The following DHX29 variants were observed in gnomAD, a reference collection of about 807,000 sequenced individuals.
The protein encoded by DHX29 is DExH-box helicase 29, also known as ATP-dependent RNA helicase DHX29.
DHX29 carries 79 observed loss-of-function variants against 167.9 expected under a neutral mutation model. That is an observed-to-expected ratio of 0.47 (90% CI 0.39 to 0.57). The LOEUF is 0.57. DHX29 is among the 20% of genes least tolerant of loss of function. The pLI, the probability that DHX29 is intolerant of heterozygous loss-of-function variation, is 0.00. For synonymous variants in DHX29, 530 were observed against 546.0 expected (o/e 0.97, Z 0.41); for missense variants, 1,347 against 1,593.4 (o/e 0.85, Z 2.63).
intron 16 of DHX29, among the ~76,000 whole-genome samples, chr5:55,273,994 A>G (rs1746976029): frequency 6.6e-6 from 1 of 151,662 alleles, no homozygotes; most frequent in Non-Finnish European, 1.5e-5. Flanking sequence ...AGGTTGAGGC[A>G]GGAGAATCAC....
chr5:55,273,503 C>A (rs1384810546), intron 16 of DHX29, 126 bp from the exon 17 acceptor site: 11 of 1,197,344 alleles, frequency 9.2e-6, no homozygotes, highest in Non-Finnish European at 1.2e-5. Flanking sequence ...TTTAAACATA[C>A]ACAAGTGTTT....
chr5:55,275,976 G>A (rs1003862274), intron 14 of DHX29, among the ~76,000 whole-genome samples: 1 of 152,108 alleles, frequency 6.6e-6, no homozygotes, highest in Non-Finnish European at 1.5e-5. Context: ...ACTGATCACT[G>A]TTATAAAAAG....
Position 55,274,597 on chromosome 5 carries a change from T to G in DHX29, c.2690+17A>C. The G allele has an allele frequency of 2.0e-6, 3 of 1,508,656 alleles. No homozygotes were observed. Among genetic ancestry groups the G allele is most frequent in the Non-Finnish European group, 2.7e-6 (3 of 1,106,316 alleles). The allele number at this position is 1,508,656 out of a possible 1,614,324, so 93.5% of individuals were successfully genotyped here. ...TATTTTAAAACTACCAGGAATATAA[T>G]GAAGATGAGTAGTTACCGTTCAGAA... On this transcript the variant is annotated intron_variant, in intron 16 of 26. Transcript: ENST00000251636.
chr5:55,270,334 G>GT, intron 20 of DHX29, 78 bp downstream of exon 20: 1 of 1,432,934 alleles, frequency 7.0e-7, no homozygotes, highest in Admixed American at 2.7e-5. Flanking sequence ...GCAATATAAG[G>GT]TAAGTTTAGG....
At chr5:55,281,782 A>G (rs1377384954) in intron 11 of DHX29, among the ~76,000 whole-genome samples, 2 of 151,904 alleles carry the variant, frequency 1.3e-5, no homozygotes, top group Non-Finnish European at 2.9e-5. Context: ...TTGAACAGAA[A>G]AACTTTTTTT....
intron 26 of DHX29, among the ~76,000 whole-genome samples, chr5:55,257,838 TA>T (rs1367014089): frequency 6.6e-6 from 1 of 152,214 alleles, no homozygotes; most frequent in Admixed American, 6.5e-5. Flanking sequence ...TTTGCTTAAT[TA>T]AAAGCTGAGG....
chr5:55,262,739 G>A lies in DHX29; in HGVS notation c.3719C>T (p.Thr1240Ile). The A allele has an allele frequency of 6.2e-7, 1 of 1,614,016 alleles. No homozygotes were observed. Among genetic ancestry groups the A allele is most frequent in the Non-Finnish European group, 8.5e-7 (1 of 1,179,978 alleles). The change falls in exon 24 of 27, where the codon ACA (threonine) becomes ATA (isoleucine). Residue 1240 changes from threonine to isoleucine, a missense_variant. By Grantham distance (89) the Thr-to-Ile change is moderately conservative (BLOSUM62 -1). Coordinates refer to ENST00000251636, the MANE Select transcript of DHX29 (RefSeq NM_019030.4). ...CTCCACAATGCAAGCCAATTTTTCT[G>A]TAACATCCACTGACTTTGTATAGAT... Reference protein sequence around the residue: ...KIIYTKSVDVTEKLACIVETA... With the variant: ...KIIYTKSVDVIEKLACIVETA...
chr5:55,275,917 T>C (rs1747088706), intron 14 of DHX29, among the ~76,000 whole-genome samples: 1 of 123,154 alleles, frequency 8.1e-6, no homozygotes, highest in African/African-American at 3.7e-5. Flanking sequence ...TGAGCACCTA[T>C]GGTGTTGAGA....
chr5:55,278,736 C>T (rs571018562), intron 12 of DHX29, among the ~76,000 whole-genome samples: 4 of 151,968 alleles, frequency 2.6e-5, no homozygotes, highest in East Asian at 1.9e-4. Flanking sequence ...AAGGAAGAAA[C>T]GGGATGAAAA....
chr5:55,261,636 C>G, intron 24 of DHX29, 137 bp from the exon 25 acceptor site: 1 of 640,746 alleles, frequency 1.6e-6, no homozygotes, highest in Non-Finnish European at 2.7e-6. Context: ...GCTACATTTT[C>G]ATTTTCTTAT....
At position 55,281,484 on chromosome 5, in the gene DHX29, T is replaced by C. The variant is rs757225575; in HGVS notation, c.1997A>G (p.Glu666Gly). ...CCTGGTAGATTCACAAGCTCGAGATTCCATCCGGATCTGATATCCACACAA... is the reference window on the plus strand; with the variant it reads ...CCTGGTAGATTCACAAGCTCGAGATCCCATCCGGATCTGATATCCACACAA... ...NSLCGYQIRM[E>G]SRACESTRLL... The change falls in exon 12 of 27, where the codon GAA becomes GGA. Residue 666 changes from glutamate to glycine, a missense_variant. Transcript: ENST00000251636. 6.3e-7 allele frequency: 1 copy of C among 1,596,972 alleles called. No homozygotes were observed. The highest frequency in any genetic ancestry group is 2.3e-5 in the East Asian group (1 of 43,738).
At chr5:55,289,218 T>C in intron 8 of DHX29, 52 bp downstream of exon 8, 1 of 1,470,760 alleles carries the variant, frequency 6.8e-7, no homozygotes, top group Non-Finnish European at 9.0e-7. Flanking sequence ...ATATATTTCT[T>C]GACATTTTAT....
intron 9 of DHX29, 89 bp from the exon 10 acceptor site, chr5:55,285,505 T>G: frequency 7.5e-7 from 1 of 1,336,532 alleles, no homozygotes; most frequent in South Asian, 1.5e-5. Flanking sequence ...AAACTCAAGT[T>G]TGTTAATTAT....
chr5:55,285,469 A>T, intron 9 of DHX29, 53 bp from the exon 10 acceptor site: 1 of 1,521,316 alleles, frequency 6.6e-7, no homozygotes, highest in Non-Finnish European at 8.9e-7. Flanking sequence ...AGTCAGATAA[A>T]AAAAACTCAG....
At chr5:55,277,314 C>T (rs777607624) in intron 12 of DHX29, 32 bp from the exon 13 acceptor site, 1 of 1,457,294 alleles carries the variant, frequency 6.9e-7, no homozygotes, top group East Asian at 2.3e-5. Context: ...AAAAGTTCAT[C>T]ATATATTGTA....
intron 1 of DHX29, among the ~76,000 whole-genome samples, chr5:55,306,322 T>C (rs1748857577): frequency 6.6e-6 from 1 of 152,204 alleles, no homozygotes; most frequent in Non-Finnish European, 1.5e-5. Flanking sequence ...ACACATGATG[T>C]TCATTACGCC....
chr5:55,279,357 G>A (rs1400058857), intron 12 of DHX29, among the ~76,000 whole-genome samples: 1 of 152,046 alleles, frequency 6.6e-6, no homozygotes, highest in African/African-American at 2.4e-5. Context: ...GAGGAAAGAT[G>A]TTGAGTAGTG....
chr5:55,267,062 C>G lies in DHX29; in HGVS notation c.3525+76G>C, dbSNP rs578180572. ...CCCTTACTATGTGACAAGTATTTTCCTAGGCATTCTTTTTTCCAGAATAAC... is the reference window on the plus strand; with the variant it reads ...CCCTTACTATGTGACAAGTATTTTCGTAGGCATTCTTTTTTCCAGAATAAC... On this transcript the variant is annotated intron_variant, in intron 23 of 26. Coordinates refer to ENST00000251636, the MANE Select transcript of DHX29 (RefSeq NM_019030.4). The G allele has an allele frequency of 1.2e-3, 1,117 of 923,730 alleles. 2 individuals are homozygous for G. The highest frequency in any genetic ancestry group is 1.6e-3 in the Non-Finnish European group (994 of 604,042). The allele number at this position is 923,730 out of a possible 1,614,324, so 57.2% of individuals were successfully genotyped here. A position where few individuals can be genotyped will look rare whatever the true frequency, so the allele number is the denominator to read the frequency against.
intron 24 of DHX29, among the ~76,000 whole-genome samples, chr5:55,262,251 A>G (rs954370543): frequency 6.6e-5 from 10 of 152,210 alleles, no homozygotes; most frequent in African/African-American, 2.4e-4. Context: ...AATCATCCAC[A>G]GTTCTACTAC....
Sources: allele counts gnomAD v4.1 joint callset (sites outside exome capture counted in the v4.1 genomes callset), GRCh38; gene constraint gnomAD v4.1.1; transcripts MANE v1.5; gene names NCBI Gene and HGNC (gene_info 2026-07-23, HGNC 2026-07-21).